PPFIA2: variants seen among roughly 807,000 people sequenced by gnomAD.
The protein encoded by PPFIA2 is liprin-alpha-2.
In PPFIA2, 46 loss-of-function variants were observed where a neutral mutation model predicts 175.5. The ratio of observed to expected loss-of-function variants is 0.26; its 90% confidence interval spans 0.21 to 0.34. The LOEUF is 0.34. Ranked by LOEUF, PPFIA2 falls within the 10% of genes least tolerant of loss-of-function variation. The pLI is 1.00. For missense variants in PPFIA2, 1,179 were observed against 1,506.1 expected (o/e 0.78, Z 3.60); for synonymous variants, 568 against 511.4 (o/e 1.11, Z -1.49).
chr12:81,680,263 G>C (rs1190403894), intron 3 of PPFIA2, among the ~76,000 whole-genome samples: 1 of 151,956 alleles, frequency 6.6e-6, no homozygotes, highest in Non-Finnish European at 1.5e-5. Flanking sequence ...CTACTACTCA[G>C]TGAACAGTTG....
intron 4 of PPFIA2, among the ~76,000 whole-genome samples, chr12:81,495,435 T>C (rs2059931847): frequency 6.6e-6 from 1 of 152,086 alleles, no homozygotes; most frequent in African/African-American, 2.4e-5. Context: ...ACACAGAAAA[T>C]ATTTTTAAAC....
intron 4 of PPFIA2, among the ~76,000 whole-genome samples, chr12:81,549,996 C>CA (rs2067634766): frequency 6.6e-6 from 1 of 151,894 alleles, no homozygotes; most frequent in Non-Finnish European, 1.5e-5. Flanking sequence ...TATTCCAAGG[C>CA]AAAGATAGCT....
chr12:81,569,014 C>G (rs1041512670), intron 4 of PPFIA2, among the ~76,000 whole-genome samples: 9 of 152,004 alleles, frequency 5.9e-5, no homozygotes, highest in African/African-American at 9.7e-5. Context: ...AGATATTGTT[C>G]TACTTTTCTT....
chr12:81,471,911 T>G (rs1378510846), intron 4 of PPFIA2, among the ~76,000 whole-genome samples: 1 of 152,234 alleles, frequency 6.6e-6, no homozygotes, highest in Admixed American at 6.5e-5. Flanking sequence ...TGAATTCCAT[T>G]GTGGTGATTG....
At chr12:81,460,419 G>A (rs376771866) in intron 4 of PPFIA2, among the ~76,000 whole-genome samples, 3 of 151,910 alleles carry the variant, frequency 2.0e-5, no homozygotes, top group Non-Finnish European at 4.4e-5. Context: ...ACCCAGTCTC[G>A]GGTATGTCTT....
At chr12:81,464,882 T>TG (rs1372782944) in intron 4 of PPFIA2, among the ~76,000 whole-genome samples, 2 of 63,910 alleles carry the variant, frequency 3.1e-5, no homozygotes, top group Admixed American at 1.5e-4. Context: ...ATAATAGAGC[T>TG]GGAAAAAAAA....
intron 4 of PPFIA2, among the ~76,000 whole-genome samples, chr12:81,533,934 AC>A (rs1197569105): frequency 6.6e-6 from 1 of 151,536 alleles, no homozygotes; most frequent in Non-Finnish European, 1.5e-5. Context: ...AAATAAAAAA[AC>A]GAATGGGTAA....
intron 4 of PPFIA2, among the ~76,000 whole-genome samples, chr12:81,494,856 A>G (rs1279249640): frequency 1.3e-5 from 2 of 148,438 alleles, no homozygotes; most frequent in African/African-American, 5.0e-5. Context: ...AAAAAACCAA[A>G]CACCGCATGT....
chr12:81,442,884 TATATATATATATATAG>T (rs1349877491), intron 6 of PPFIA2, among the ~76,000 whole-genome samples: 4 of 112,960 alleles, frequency 3.5e-5, no homozygotes, highest in African/African-American at 9.9e-5. Flanking sequence ...TATATATATA[TATATATATATATATAG>T]TATTACTTGT....
At chr12:81,526,229 A>C (rs2063716991) in intron 4 of PPFIA2, among the ~76,000 whole-genome samples, 1 of 152,170 alleles carries the variant, frequency 6.6e-6, no homozygotes, top group South Asian at 2.1e-4. Flanking sequence ...GATTTCAGTG[A>C]ACCTCTTACT....
At chr12:81,518,777 T>C (rs1454526634) in intron 4 of PPFIA2, among the ~76,000 whole-genome samples, 4 of 152,192 alleles carry the variant, frequency 2.6e-5, no homozygotes, top group Non-Finnish European at 5.9e-5. Context: ...CTCTTCTGTT[T>C]ATTGCTATTG....
intron 7 of PPFIA2, among the ~76,000 whole-genome samples, chr12:81,436,247 C>T (rs1305596866): frequency 2.5e-5 from 3 of 121,676 alleles, no homozygotes; most frequent in African/African-American, 9.7e-5. Context: ...TGCCACTGCA[C>T]TCCAGCCTGG....
At chr12:81,604,327 T>C (rs554887572) in intron 4 of PPFIA2, among the ~76,000 whole-genome samples, 4 of 151,722 alleles carry the variant, frequency 2.6e-5, no homozygotes, top group Non-Finnish European at 5.9e-5. Context: ...TGTATTTGTA[T>C]TTACAAACAG....
At chr12:81,268,635 A>G (rs1006755309) in intron 28 of PPFIA2, among the ~76,000 whole-genome samples, 7 of 152,240 alleles carry the variant, frequency 4.6e-5, no homozygotes, top group African/African-American at 1.7e-4. Context: ...AGCTAAAATG[A>G]CAGCACTTCA....
At chr12:81,483,318 C>A (rs1362386349) in intron 4 of PPFIA2, among the ~76,000 whole-genome samples, 1 of 151,978 alleles carries the variant, frequency 6.6e-6, no homozygotes, top group Non-Finnish European at 1.5e-5. Context: ...TATCTATTAA[C>A]TAATGAATGG....
At chr12:81,267,224 A>G in intron 29 of PPFIA2, 1 of 576,828 alleles carries the variant, frequency 1.7e-6, no homozygotes, top group Non-Finnish European at 3.2e-6. Flanking sequence ...TGTGAACAGT[A>G]GAGAGACAGT....
chr12:81,480,939 G>A (rs2058136556), intron 4 of PPFIA2, among the ~76,000 whole-genome samples: 1 of 152,178 alleles, frequency 6.6e-6, no homozygotes, highest in Non-Finnish European at 1.5e-5. Flanking sequence ...AGGAAGAGAG[G>A]AAGTCAAATT....
At chr12:81,320,548 A>G (rs2053437605) in intron 22 of PPFIA2, among the ~76,000 whole-genome samples, 1 of 152,052 alleles carries the variant, frequency 6.6e-6, no homozygotes, top group Non-Finnish European at 1.5e-5. Flanking sequence ...GTAACTAAAG[A>G]TTGAAAATGA....
chr12:81,504,092 A>G (rs1171352055), intron 4 of PPFIA2, among the ~76,000 whole-genome samples: 1 of 152,042 alleles, frequency 6.6e-6, no homozygotes, highest in East Asian at 1.9e-4. Context: ...TAAATTATAA[A>G]GTAATTATAA....
Sources: allele counts gnomAD v4.1 joint callset (sites outside exome capture counted in the v4.1 genomes callset), GRCh38; gene constraint gnomAD v4.1.1; transcripts MANE v1.5; gene names NCBI Gene and HGNC (gene_info 2026-07-23, HGNC 2026-07-21).